The following C19orf18 variants were observed in gnomAD, a reference collection of about 807,000 sequenced individuals.
C19orf18 encodes chromosome 19 open reading frame 18.
A neutral mutation model predicts 23.3 loss-of-function variants in C19orf18; 21 were observed. The observed-to-expected ratio is 0.90, with a 90% CI of 0.64 to 1.30. C19orf18 has a LOEUF of 1.30. Among genes scored for constraint, C19orf18 ranks in the 50% most tolerant of loss-of-function variants. C19orf18 has a pLI of 0.00. For missense variants in C19orf18, 249 were observed against 259.6 expected (o/e 0.96, Z 0.28); for synonymous variants, 96 against 95.2 (o/e 1.01, Z -0.05).
At position 57,966,779 on chromosome 19, in the gene C19orf18, T is replaced by C. The variant is rs540387439; in HGVS notation, c.269-147A>G. ...GCTTGTTTTGTTTTTTTTTGTTTTG[T>C]TTTCTTTTTTGACACTGAGTCTCGC... On this transcript the variant is annotated intron_variant, in intron 3 of 5. Coordinates refer to ENST00000314391, the MANE Select transcript of C19orf18 (RefSeq NM_152474.5). 8.9e-5 allele frequency: 53 copies of C among 598,406 alleles called. No homozygotes were observed. The South Asian group carries it at 1.1e-3, about 12-fold the overall frequency. 37.1% of individuals were successfully genotyped at this position (598,406 alleles called of 1,614,324 possible).
rs12610485 is a variant in C19orf18, at chr19:57,969,596, A to C, written c.268+2867T>G. On this transcript the variant is annotated intron_variant, in intron 3 of 5. Transcript: ENST00000314391. ...AAAAAAAAAAAAAAAAAAAAAAAAA[A>C]CCAAGAAAAAAAACAAAGTAAGCAC... 9.9e-4 allele frequency among the ~76,000 whole-genome samples: 112 copies of C among 112,600 alleles called. 1 individual carries two copies. The East Asian group carries it at 0.016, about 16-fold the overall frequency. The allele number at this position is 112,600 out of a possible 152,430, so 73.9% of individuals were successfully genotyped here. A position where few individuals can be genotyped will look rare whatever the true frequency, so the allele number is the denominator to read the frequency against.
At chr19:57,962,371 A>C (rs2072879589) in intron 4 of C19orf18, among the ~76,000 whole-genome samples, 1 of 152,138 alleles carries the variant, frequency 6.6e-6, no homozygotes, top group Admixed American at 6.6e-5. Context: ...TTACAAAATA[A>C]AAATTAATGT....
At chr19:57,971,181 G>A (rs2072942156) in intron 3 of C19orf18, among the ~76,000 whole-genome samples, 1 of 152,034 alleles carries the variant, frequency 6.6e-6, no homozygotes. Context: ...TGACATCTTG[G>A]GGCCTTAACT....
intron 3 of C19orf18, among the ~76,000 whole-genome samples, chr19:57,967,588 A>G (rs947362955): frequency 6.6e-6 from 1 of 152,108 alleles, no homozygotes; most frequent in African/African-American, 2.4e-5. Flanking sequence ...CCCCAACTCT[A>G]CAAAAATACA....
chr19:57,971,072 G>A (rs1046822634), intron 3 of C19orf18, among the ~76,000 whole-genome samples: 1 of 152,142 alleles, frequency 6.6e-6, no homozygotes, highest in Admixed American at 6.6e-5. Flanking sequence ...CAATGGGCAG[G>A]TGAAACAGTC....
chr19:57,971,148 A>G lies in C19orf18; in HGVS notation c.268+1315T>C, dbSNP rs796951824. ...GATGGATGTATTCATCACGTTTTTTATTTTCTGTATTTCCTGATACTTTGA... is the reference window on the plus strand; with the variant it reads ...GATGGATGTATTCATCACGTTTTTTGTTTTCTGTATTTCCTGATACTTTGA... On this transcript the variant is annotated intron_variant, in intron 3 of 5. Coordinates refer to ENST00000314391, the MANE Select transcript of C19orf18 (RefSeq NM_152474.5). Among the ~76,000 whole-genome samples, 10 of 151,872 alleles carry G rather than the reference A, an allele frequency of 6.6e-5. 1 individual carries two copies. The highest frequency in any genetic ancestry group is 2.4e-4 in the African/African-American group (10 of 41,398).
At chr19:57,962,378 A>T (rs1468009986) in intron 4 of C19orf18, among the ~76,000 whole-genome samples, 16 of 152,102 alleles carry the variant, frequency 1.1e-4, no homozygotes, top group African/African-American at 3.9e-4. Flanking sequence ...ATAAAAATTA[A>T]TGTCAAGAAA....
rs182620880 is a variant in C19orf18 at position 57,969,503 on chromosome 19, C to T, written c.269-2871G>A. ...CCAGGAGGTGGAGGTTGCAGTGAGCCGCGATGGCGCCATTGCACTCCAGCC... is the reference window on the plus strand; with the variant it reads ...CCAGGAGGTGGAGGTTGCAGTGAGCTGCGATGGCGCCATTGCACTCCAGCC... On this transcript the variant is annotated intron_variant, in intron 3 of 5. Coordinates refer to ENST00000314391, the MANE Select transcript of C19orf18 (RefSeq NM_152474.5). Among the ~76,000 whole-genome samples the T allele has an allele frequency of 1.7e-3, 226 of 133,250 alleles. 2 individuals are homozygous for T. Among genetic ancestry groups the T allele is most frequent in the Admixed American group, 2.7e-3 (32 of 11,860 alleles). The allele number at this position is 133,250 out of a possible 152,430, so 87.4% of individuals were successfully genotyped here. A position where few individuals can be genotyped will look rare whatever the true frequency, so the allele number is the denominator to read the frequency against.
intron 4 of C19orf18, among the ~76,000 whole-genome samples, chr19:57,963,223 T>C (rs1436191325): frequency 1.3e-5 from 2 of 151,794 alleles, no homozygotes; most frequent in Non-Finnish European, 1.5e-5. Flanking sequence ...CAGATGGGGT[T>C]TCTCCATGTT....
chr19:57,961,765 G>C (rs2072873576), intron 4 of C19orf18, among the ~76,000 whole-genome samples: 1 of 152,114 alleles, frequency 6.6e-6, no homozygotes, highest in Non-Finnish European at 1.5e-5. Flanking sequence ...CCAAAGCATG[G>C]ATCAAAGCCA....
rs150482035 is a variant in C19orf18, at chr19:57,961,430, G to C, written c.493C>G (p.Pro165Ala). The C allele has an allele frequency of 4.2e-5, 68 of 1,613,992 alleles. No individual in the cohort carries two copies. In the African/African-American group the frequency reaches 7.6e-4, roughly 18 times the overall value. The change falls in exon 5 of 6, where the codon CCA becomes GCA. Residue 165 changes from proline (P) to alanine (A), a missense_variant. Transcript: ENST00000314391. Reference sequence around the variant, plus strand: ...TTTTCCAGCTCATTTTCGTTCTCTGGAAGTAGGTGCGTGGACTCACCCTCG... The same window carrying C: ...TTTTCCAGCTCATTTTCGTTCTCTGCAAGTAGGTGCGTGGACTCACCCTCG... ...EDEGESTHLLPENENELEKFI... is the reference protein window; with the variant it reads ...EDEGESTHLLAENENELEKFI...
chr19:57,967,658 A>G (rs1321168995), intron 3 of C19orf18, among the ~76,000 whole-genome samples: 1 of 151,980 alleles, frequency 6.6e-6, no homozygotes, highest in African/African-American at 2.4e-5. Flanking sequence ...AGGCTGAGGC[A>G]GGAGAATTGC....
In C19orf18 at chr19:57,965,972, C is replaced by A. The variant is rs557111386; in HGVS notation, c.371+558G>T. Among the ~76,000 whole-genome samples the A allele has an allele frequency of 1.2e-4, 18 of 150,306 alleles. No individual in the cohort carries two copies. In the East Asian group the frequency reaches 3.5e-3, roughly 29 times the overall value. ...ACATTAATACTTTAAGTAATATTTT[C>A]TTTTCTTTTTCTTTTTTTTTTTTTC... is the stretch of plus-strand genomic sequence containing the variant. On this transcript the variant is annotated intron_variant, in intron 4 of 5. Transcript: ENST00000314391.
At chr19:57,967,987 G>A (rs568157204) in intron 3 of C19orf18, among the ~76,000 whole-genome samples, 2 of 151,976 alleles carry the variant, frequency 1.3e-5, no homozygotes, top group African/African-American at 2.4e-5. Context: ...ACTCCAGCCT[G>A]GGCAACAGAG....
intron 5 of C19orf18, among the ~76,000 whole-genome samples, chr19:57,959,124 T>C (rs2072848107): frequency 6.6e-6 from 1 of 152,194 alleles, no homozygotes; most frequent in South Asian, 2.1e-4. Flanking sequence ...GGATGGTTAG[T>C]ATGTCTGAAT....
In C19orf18 at chr19:57,972,512, G is replaced by T. The variant is rs747187026; in HGVS notation, c.227-8C>A. The T allele has an allele frequency of 1.5e-5, 24 of 1,613,740 alleles. No individual in the cohort carries two copies. In the South Asian group the frequency reaches 2.6e-4, roughly 18 times the overall value. ...GGTTCGTAGGGGATGCAGCTAAAAG[G>T]CCATCAAAGGGGATCAAAAAGAAGA... On this transcript the variant is annotated splice_region_variant and splice_polypyrimidine_tract_variant and intron_variant, in intron 2 of 5. Coordinates refer to ENST00000314391, the MANE Select transcript of C19orf18 (RefSeq NM_152474.5).
intron 4 of C19orf18, among the ~76,000 whole-genome samples, chr19:57,963,817 G>C (rs988015302): frequency 1.3e-5 from 2 of 152,154 alleles, no homozygotes; most frequent in African/African-American, 2.4e-5. Flanking sequence ...GTGAACCTGG[G>C]AGGCGGGGCT....
intron 3 of C19orf18, among the ~76,000 whole-genome samples, chr19:57,967,907 G>A (rs1484931253): frequency 1.3e-5 from 2 of 152,160 alleles, no homozygotes; most frequent in Non-Finnish European, 2.9e-5. Context: ...AGCTACTCAG[G>A]AGGCTGAGGC....
At chr19:57,963,748 G>T (rs980753658) in intron 4 of C19orf18, among the ~76,000 whole-genome samples, 9 of 152,008 alleles carry the variant, frequency 5.9e-5, no homozygotes, top group African/African-American at 2.2e-4. Flanking sequence ...AAATTAGCCG[G>T]GCGTGGTGGC....
Sources: allele counts gnomAD v4.1 joint callset (sites outside exome capture counted in the v4.1 genomes callset), GRCh38; gene constraint gnomAD v4.1.1; transcripts MANE v1.5; gene names NCBI Gene and HGNC (gene_info 2026-07-23, HGNC 2026-07-21).